The following ZFP1 variants were observed in gnomAD, a reference collection of about 807,000 sequenced individuals.
ZFP1 encodes ZFP1 zinc finger protein, also known as zinc finger protein 1 homolog.
In ZFP1, 32 loss-of-function variants were observed where a neutral mutation model predicts 38.5. The ratio of observed to expected loss-of-function variants is 0.83; its 90% confidence interval spans 0.63 to 1.12. The LOEUF (loss-of-function observed/expected upper bound fraction) is 1.12. Ranked by LOEUF, ZFP1 falls within the 50% of genes most tolerant of loss-of-function variation. The probability of loss-of-function intolerance (pLI) is 0.00; values close to 1 mark genes in which losing one functional copy is unlikely to be tolerated. For synonymous variants in ZFP1, 245 were observed against 168.8 expected (o/e 1.45, Z -3.50); for missense variants, 616 against 480.8 (o/e 1.28, Z -2.63).
Position 75,161,599 on chromosome 16 carries a change from T to A in ZFP1, c.16-5171T>A, listed in dbSNP as rs189918212. On this transcript the variant is annotated intron_variant, in intron 2 of 3. Transcript: ENST00000570010. ...CAAGAGGTCTGAAGGCTTTCAGTCT[T>A]CTTACTTGTAACCTATTCTCTCCTG... Among the ~76,000 whole-genome samples the A allele has an allele frequency of 8.6e-4, 130 of 150,984 alleles. 1 individual carries two copies. The highest frequency in any genetic ancestry group is 4.6e-3 in the South Asian group (22 of 4,774).
At chr16:75,161,380 C>A (rs1283841290) in intron 2 of ZFP1, among the ~76,000 whole-genome samples, 1 of 151,706 alleles carries the variant, frequency 6.6e-6, no homozygotes, top group Non-Finnish European at 1.5e-5. Flanking sequence ...ACAACACTCA[C>A]TTCTGCTTGG....
In ZFP1 at chr16:75,166,905, G is replaced by T. The variant is rs760279673; in HGVS notation, c.142+9G>T. 2 of 1,612,000 alleles carry T rather than the reference G, an allele frequency of 1.2e-6. No individual in the cohort carries two copies. Among genetic ancestry groups the T allele is most frequent in the Non-Finnish European group, 1.7e-6 (2 of 1,178,534 alleles). The stretch of plus-strand genomic sequence containing the variant: ...CAACTTACTTTCAGTGGGTAAGGAC[G>T]GTTTTCAGGTACAGCTCACCATGTG... On this transcript the variant is annotated intron_variant, in intron 3 of 3. Coordinates refer to ENST00000570010, the MANE Select transcript of ZFP1 (RefSeq NM_153688.4).
At chr16:75,143,794 G>A (rs1195781733), upstream of ZFP1, among the ~76,000 whole-genome samples, 1 of 151,694 alleles carries the variant, frequency 6.6e-6, no homozygotes, top group Admixed American at 6.6e-5. Context: ...TGGAACTACA[G>A]GTGCATGCCA....
At chr16:75,121,675 G>C in the ZFP1 span, among the ~76,000 whole-genome samples, 1 of 152,106 alleles carries the variant, frequency 6.6e-6, no homozygotes, top group South Asian at 2.1e-4. Flanking sequence ...ATGTATTTAT[G>C]TGTTGTGTAC....
In ZFP1 at chr16:75,153,739, G is replaced by A. The variant is rs193094854; in HGVS notation, c.15+773G>A. Among the ~76,000 whole-genome samples the A allele has an allele frequency of 7.2e-5, 11 of 152,218 alleles. No individual in the cohort carries two copies. In the East Asian group the frequency reaches 1.7e-3, roughly 24 times the overall value. Reference sequence around the variant, plus strand: ...TAGTTTACAGTAGGGATCACTCTCTGTGTACATTCTGTGTATTTTGACCAA... The same window carrying A: ...TAGTTTACAGTAGGGATCACTCTCTATGTACATTCTGTGTATTTTGACCAA... On this transcript the variant is annotated intron_variant, in intron 2 of 3. Transcript: ENST00000570010.
chr16:75,143,647 C>CTTTTTTTTT (rs386385080), upstream of ZFP1, among the ~76,000 whole-genome samples: 6 of 93,794 alleles, frequency 6.4e-5, no homozygotes, highest in East Asian at 3.7e-4. Flanking sequence ...GGAGGTGAAT[C>CTTTTTTTTT]TTTTTTTTTT....
chr16:75,139,387 A>AAAAAAACAAAAAC, the ZFP1 span, among the ~76,000 whole-genome samples: 1 of 144,126 alleles, frequency 6.9e-6, no homozygotes, highest in African/African-American at 2.8e-5. Flanking sequence ...AAAAAAAAAA[A>AAAAAAACAAAAAC]AAAAAAAAAC....
intron 2 of ZFP1, among the ~76,000 whole-genome samples, chr16:75,163,223 C>CA (rs1285021315): frequency 6.6e-6 from 1 of 151,690 alleles, no homozygotes; most frequent in Non-Finnish European, 1.5e-5. Context: ...TTTTATATTA[C>CA]AAAAATCATA....
At chr16:75,120,390 C>T in the ZFP1 span, among the ~76,000 whole-genome samples, 1 of 152,124 alleles carries the variant, frequency 6.6e-6, no homozygotes, top group Non-Finnish European at 1.5e-5. Flanking sequence ...GAGAAGGCAC[C>T]AGGCTCCCTT....
At chr16:75,120,662 C>T in the ZFP1 span, among the ~76,000 whole-genome samples, 7 of 151,766 alleles carry the variant, frequency 4.6e-5, no homozygotes, top group Non-Finnish European at 5.9e-5. Context: ...AGTGCAGTGG[C>T]GCAATCTCGG....
In ZFP1 at chr16:75,152,940, A is replaced by C; in HGVS notation, c.-12A>C. On this transcript the variant is annotated 5_prime_UTR_variant, in exon 2 of 4. Coordinates refer to ENST00000570010, the MANE Select transcript of ZFP1 (RefSeq NM_153688.4). The stretch of plus-strand genomic sequence containing the variant: ...CTTCATAGTTCTCTGCCTTTGCCCA[A>C]AACTGCAGAAAATGAACAAATCCCA... The C allele has an allele frequency of 6.2e-7, 1 of 1,613,802 alleles. No homozygotes were observed. The highest frequency in any genetic ancestry group is 8.5e-7 in the Non-Finnish European group (1 of 1,179,874).
chr16:75,158,377 C>T lies in ZFP1; in HGVS notation c.15+5411C>T, dbSNP rs58900235. Among the ~76,000 whole-genome samples the T allele has an allele frequency of 1.8e-3, 274 of 150,758 alleles. 3 individuals carry two copies. The highest frequency in any genetic ancestry group is 6.4e-3 in the African/African-American group (264 of 41,112). ...TTTTTTTTATTTTTTGAGACAGGATCTCTCTTTCTCACCCAGGCTGCAGTG... is the reference window on the plus strand; with the variant it reads ...TTTTTTTTATTTTTTGAGACAGGATTTCTCTTTCTCACCCAGGCTGCAGTG... On this transcript the variant is annotated intron_variant, in intron 2 of 3. Transcript: ENST00000570010.
the ZFP1 span, among the ~76,000 whole-genome samples, chr16:75,139,758 G>A: frequency 6.6e-6 from 1 of 152,140 alleles, no homozygotes; most frequent in African/African-American, 2.4e-5. Context: ...CATAGAACCA[G>A]GAAGAAGAAT....
chr16:75,132,162 GA>G, the ZFP1 span, among the ~76,000 whole-genome samples: 4 of 151,884 alleles, frequency 2.6e-5, no homozygotes, highest in Non-Finnish European at 5.9e-5. Flanking sequence ...CCAAGGCGGG[GA>G]GATCACTTGA....
rs1282928678 is a variant in ZFP1 at position 75,149,477 on chromosome 16, G to A, written c.-44+834G>A. On this transcript the variant is annotated intron_variant, in intron 1 of 3. Coordinates refer to ENST00000570010, the MANE Select transcript of ZFP1 (RefSeq NM_153688.4). ...TCTGCGTAACAGTGTTTCTGTCAAC[G>A]AGGGACCTCATGTAAAATGGTGGTC... Among the ~76,000 whole-genome samples the A allele has an allele frequency of 2.6e-5, 4 of 152,124 alleles. No individual in the cohort carries two copies. In the East Asian group the frequency reaches 7.7e-4, roughly 29 times the overall value.
intron 3 of ZFP1, among the ~76,000 whole-genome samples, chr16:75,168,606 C>T (rs536172370): frequency 6.6e-6 from 1 of 151,938 alleles, no homozygotes; most frequent in African/African-American, 2.4e-5. Context: ...GGTTGTGTAT[C>T]TCTTAGCGAA....
chr16:75,124,786 CAAAA>C, the ZFP1 span, among the ~76,000 whole-genome samples: 3 of 66,948 alleles, frequency 4.5e-5, no homozygotes, highest in African/African-American at 9.0e-5. Context: ...GACTCCATCT[CAAAA>C]AAAAAAAAAA....
chr16:75,119,992 C>A, the ZFP1 span, among the ~76,000 whole-genome samples: 5 of 152,206 alleles, frequency 3.3e-5, no homozygotes. Flanking sequence ...CCAGGCCAAA[C>A]TGAAAGAGCA....
At position 75,171,441 on chromosome 16, in the gene ZFP1, T is replaced by G. The variant is rs1240579243; in HGVS notation, c.*1107T>G. Reference sequence around the variant, plus strand: ...GTTTAAAGGAGGCATTTCTACTTCCTTGAGTTTTGCTGTTGCCAACCTAAA... The same window carrying G: ...GTTTAAAGGAGGCATTTCTACTTCCGTGAGTTTTGCTGTTGCCAACCTAAA... On this transcript the variant is annotated 3_prime_UTR_variant, in exon 4 of 4. Transcript: ENST00000570010. 1 of 152,230 alleles carries G rather than the reference T, an allele frequency of 6.6e-6. No individual in the cohort carries two copies. Among genetic ancestry groups the G allele is most frequent in the Non-Finnish European group, 1.5e-5 (1 of 68,028 alleles). 9.4% of individuals were successfully genotyped at this position (152,230 alleles called of 1,614,324 possible).
Sources: allele counts gnomAD v4.1 joint callset (sites outside exome capture counted in the v4.1 genomes callset), GRCh38; gene constraint gnomAD v4.1.1; transcripts MANE v1.5; gene names NCBI Gene and HGNC (gene_info 2026-07-23, HGNC 2026-07-21).